Variants in GFRAL observed in about 807,000 individuals in gnomAD.
GFRAL encodes GDNF family receptor alpha like.
A neutral mutation model predicts 45.4 loss-of-function variants in GFRAL; 36 were observed. That is an observed-to-expected ratio of 0.79 (90% CI 0.61 to 1.05). The LOEUF (loss-of-function observed/expected upper bound fraction) is 1.05. GFRAL is among the 50% of genes least tolerant of loss of function. The pLI is 0.00. For synonymous variants in GFRAL, 166 were observed against 154.1 expected (o/e 1.08, Z -0.57); for missense variants, 507 against 467.5 (o/e 1.08, Z -0.78).
chr6:55,353,473 G>T (rs7452656), intron 5 of GFRAL, among the ~76,000 whole-genome samples: 60,325 of 151,804 alleles, frequency 0.4, 13,153 homozygotes, highest in Non-Finnish European at 0.51. Flanking sequence ...GACATATTTC[G>T]TCAACTTATA....
At position 55,359,121 on chromosome 6, in the gene GFRAL, A is replaced by G; in HGVS notation, c.935A>G (p.His312Arg). 6.2e-7 allele frequency: 1 copy of G among 1,610,744 alleles called. No homozygotes were observed. The highest frequency in any genetic ancestry group is 8.5e-7 in the Non-Finnish European group (1 of 1,178,106). The change falls in exon 6 of 9, where the codon CAT becomes CGT. Residue 312 changes from histidine to arginine, a missense_variant. Physicochemically the swap from His to Arg is conservative, Grantham distance 29 (BLOSUM62 0). Transcript: ENST00000340465. ...SLCKIFQHML[H>R]RKSCFNYPTL... ...TGTAAGATTTTCCAGCACATGCTTC[A>G]TAGAAAATCATGTTTCAGTAAGTTC...
chr6:55,392,215 C>G (rs1414542544), intron 6 of GFRAL, among the ~76,000 whole-genome samples: 14 of 152,140 alleles, frequency 9.2e-5, no homozygotes, highest in Admixed American at 9.2e-4. Context: ...ACCTGGTTGT[C>G]CCTTATTGAT....
chr6:55,383,984 T>C (rs116683297), intron 6 of GFRAL, among the ~76,000 whole-genome samples: 2,342 of 152,106 alleles, frequency 0.015, 34 homozygotes, highest in Non-Finnish European at 0.025. Flanking sequence ...TCAACACTAG[T>C]TCCTTTGAGA....
At chr6:55,366,884 G>T (rs2127359510) in intron 6 of GFRAL, among the ~76,000 whole-genome samples, 1 of 98,752 alleles carries the variant, frequency 1.0e-5, no homozygotes, top group East Asian at 2.2e-4. Flanking sequence ...TTTGGAATAG[G>T]TGTGGTGTGG....
intron 6 of GFRAL, among the ~76,000 whole-genome samples, chr6:55,367,792 G>A (rs1422845066): frequency 5.9e-5 from 9 of 151,960 alleles, no homozygotes; most frequent in Admixed American, 5.2e-4. Context: ...TGGCTTGTAG[G>A]GTTTCTGCCA....
Position 55,331,865 on chromosome 6 carries a change from A to G in GFRAL, c.157+16A>G, listed in dbSNP as rs751670767. The stretch of plus-strand genomic sequence containing the variant: ...AATGATTCAGGTAAACAAGTTGCTA[A>G]AAATACACTCAAATGATTTATTTTT... On this transcript the variant is annotated intron_variant, in intron 2 of 8. Transcript: ENST00000340465. The G allele has an allele frequency of 6.3e-7, 1 of 1,599,364 alleles. No homozygotes were observed. Among genetic ancestry groups the G allele is most frequent in the Non-Finnish European group, 8.5e-7 (1 of 1,172,820 alleles).
intron 3 of GFRAL, among the ~76,000 whole-genome samples, chr6:55,341,508 C>A (rs1767964884): frequency 6.6e-6 from 1 of 152,116 alleles, no homozygotes; most frequent in African/African-American, 2.4e-5. Context: ...ACATCCACAC[C>A]AAAACCCCAT....
intron 6 of GFRAL, among the ~76,000 whole-genome samples, chr6:55,374,923 A>T (rs943135824): frequency 2.0e-5 from 3 of 152,164 alleles, no homozygotes; most frequent in South Asian, 4.1e-4. Context: ...GTCAAAGATC[A>T]GATGGTTGTA....
chr6:55,328,442 A>C (rs1308869106), intron 1 of GFRAL, among the ~76,000 whole-genome samples: 1 of 151,934 alleles, frequency 6.6e-6, no homozygotes, highest in East Asian at 1.9e-4. Context: ...ATTGTATCGA[A>C]CATAAAAGGA....
At chr6:55,395,541 A>G (rs1561868630) in intron 6 of GFRAL, among the ~76,000 whole-genome samples, 1 of 151,800 alleles carries the variant, frequency 6.6e-6, no homozygotes, top group Non-Finnish European at 1.5e-5. Flanking sequence ...TTTTCCCCCA[A>G]ACTGACTCTT....
At chr6:55,359,377 T>G (rs1343625645) in intron 6 of GFRAL, among the ~76,000 whole-genome samples, 1 of 152,138 alleles carries the variant, frequency 6.6e-6, no homozygotes, top group Non-Finnish European at 1.5e-5. Flanking sequence ...TAATTATCAT[T>G]TATTGATTTC....
chr6:55,398,547 A>T (rs1275669136), intron 6 of GFRAL, among the ~76,000 whole-genome samples: 1 of 152,218 alleles, frequency 6.6e-6, no homozygotes, highest in East Asian at 1.9e-4. Context: ...AAAGCCAGAG[A>T]AAAGATTGTC....
At chr6:55,372,139 C>T (rs873867) in intron 6 of GFRAL, among the ~76,000 whole-genome samples, 10,925 of 152,254 alleles carry the variant, frequency 0.072, 446 homozygotes, top group South Asian at 0.15. Flanking sequence ...ATACTCCCCT[C>T]ACACCTTAGC....
intron 3 of GFRAL, among the ~76,000 whole-genome samples, chr6:55,338,809 A>G (rs566369117): frequency 6.6e-6 from 1 of 152,232 alleles, no homozygotes; most frequent in Non-Finnish European, 1.5e-5. Flanking sequence ...TTAACACTGG[A>G]AAGAAATCAG....
chr6:55,349,782 C>T (rs1465025952), intron 3 of GFRAL, among the ~76,000 whole-genome samples: 1 of 149,792 alleles, frequency 6.7e-6, no homozygotes, highest in Admixed American at 6.6e-5. Context: ...TTTTTTTTCC[C>T]CAGTCAGCAT....
intron 6 of GFRAL, among the ~76,000 whole-genome samples, chr6:55,379,995 T>C (rs1230267289): frequency 6.6e-6 from 1 of 151,982 alleles, no homozygotes; most frequent in South Asian, 2.1e-4. Context: ...TTTTTTTCCA[T>C]GGTTGAATAG....
intron 5 of GFRAL, among the ~76,000 whole-genome samples, chr6:55,353,072 C>T (rs754832298): frequency 5.3e-5 from 8 of 151,848 alleles, no homozygotes; most frequent in Non-Finnish European, 1.5e-5. Context: ...TTTAGAAAAG[C>T]AGTGAGGGTA....
chr6:55,335,068 T>C (rs1767874443), intron 3 of GFRAL, among the ~76,000 whole-genome samples: 1 of 152,206 alleles, frequency 6.6e-6, no homozygotes, highest in Non-Finnish European at 1.5e-5. Flanking sequence ...AGTATATGCT[T>C]AATGTTACAA....
intron 6 of GFRAL, among the ~76,000 whole-genome samples, chr6:55,390,422 C>T (rs562187961): frequency 6.6e-6 from 1 of 152,310 alleles, no homozygotes; most frequent in South Asian, 2.1e-4. Context: ...GCTGAAGGCA[C>T]AGTTGCCATT....
Sources: gnomAD v4.1 joint callset for allele counts (sites outside exome capture counted in the v4.1 genomes callset) on GRCh38, gnomAD v4.1.1 for gene constraint, MANE v1.5 for transcripts, NCBI Gene and HGNC (gene_info 2026-07-23, HGNC 2026-07-21) for gene names.